DCBLD2: variants seen among roughly 807,000 people sequenced by gnomAD.
DCBLD2 encodes discoidin, CUB and LCCL domain-containing protein 2.
Under a neutral mutation model 86.8 loss-of-function variants are expected in DCBLD2, and 54 were observed. That is an observed-to-expected ratio of 0.62 (90% confidence interval 0.50 to 0.78). The LOEUF (loss-of-function observed/expected upper bound fraction) is 0.78, where lower values mean the gene tolerates loss of function less well. Among genes scored for constraint, DCBLD2 ranks in the 30% least tolerant of loss-of-function variants. The probability of loss-of-function intolerance (pLI) is 0.00; values close to 1 mark genes in which losing one functional copy is unlikely to be tolerated. For missense variants in DCBLD2, 908 were observed against 954.2 expected, an observed-to-expected ratio of 0.95 and a Z score of 0.64; for synonymous variants, 354 against 341.3, an observed-to-expected ratio of 1.04 and a Z score of -0.41.
At chr3:98,842,404 T>C (rs1183724100) in intron 3 of DCBLD2, among the ~76,000 whole-genome samples, 1 of 152,230 alleles carries the variant, frequency 6.6e-6, no homozygotes, top group Non-Finnish European at 1.5e-5. Flanking sequence ...GAATCTGGCA[T>C]TGATTTTTTA....
At chr3:98,811,048 A>T in intron 12 of DCBLD2, 146 bp downstream of exon 12, 1 of 908,254 alleles carries the variant, frequency 1.1e-6, no homozygotes, top group South Asian at 2.4e-5. Flanking sequence ...GTCTTTTCCT[A>T]TGAAAGAAAA....
intron 2 of DCBLD2, among the ~76,000 whole-genome samples, chr3:98,860,982 C>A (rs1345697123): frequency 6.6e-6 from 1 of 152,180 alleles, no homozygotes; most frequent in Non-Finnish European, 1.5e-5. Flanking sequence ...GGAGACCCAT[C>A]TCACATGCAG....
rs1018625135 is a variant in DCBLD2 at position 98,808,146 on chromosome 3, AG to A, written c.1604del (p.Pro535LeufsTer14). ...KDVALAAVLVPVLVMVLTTLI... is the reference protein window; with the variant it reads ...KDVALAAVLVXVLVMVLTTLI... ...GAGTAGTGAGGACCATGACCAGCAC[AG>A]GGACAAGAACTGCAGCCAGCGCTAC... On this transcript the variant is annotated frameshift_variant, in exon 13 of 16. Transcript: ENST00000326840. LOFTEE classifies it high-confidence loss of function. The A allele has an allele frequency of 6.2e-7, 1 of 1,605,394 alleles. No homozygotes were observed. The highest frequency in any genetic ancestry group is 8.5e-7 in the Non-Finnish European group (1 of 1,175,990).
chr3:98,858,376 T>G (rs1387170724), intron 2 of DCBLD2, among the ~76,000 whole-genome samples: 1 of 152,228 alleles, frequency 6.6e-6, no homozygotes, highest in Non-Finnish European at 1.5e-5. Flanking sequence ...GCTCCCACAG[T>G]GCAGCAGCAG....
intron 2 of DCBLD2, among the ~76,000 whole-genome samples, chr3:98,855,513 CCA>C (rs1433406667): frequency 6.6e-6 from 1 of 152,160 alleles, no homozygotes; most frequent in Non-Finnish European, 1.5e-5. Context: ...GTCAGTTTTA[CCA>C]CACTCACACA....
chr3:98,812,326 C>T lies in DCBLD2; in HGVS notation c.1363+6G>A, dbSNP rs765296993. 2 of 1,613,114 alleles carry T rather than the reference C, an allele frequency of 1.2e-6. No homozygotes were observed. Among genetic ancestry groups the T allele is most frequent in the Middle Eastern group, 1.7e-4 (1 of 6,052 alleles). On this transcript the variant is annotated splice_donor_region_variant and intron_variant, in intron 10 of 15. Transcript: ENST00000326840. ...AAAACATATCTTAAACGAACTGTCT[C>T]TTTACCTTTAGGAATAAACTGACAT...
At chr3:98,856,443 A>G (rs914799628) in intron 2 of DCBLD2, among the ~76,000 whole-genome samples, 5 of 152,168 alleles carry the variant, frequency 3.3e-5, no homozygotes, top group African/African-American at 4.8e-5. Context: ...AAACCACTGC[A>G]AACTGCCAGC....
rs371517659 is a variant in DCBLD2 at position 98,801,597 on chromosome 3, T to C, written c.1720+3A>G. The stretch of plus-strand genomic sequence containing the variant: ...AATGAGATGCAAAGACCACGTGAGT[T>C]ACCTGCCCGGTCCCAGTAAGGTAAG... On this transcript the variant is annotated splice_donor_region_variant and intron_variant, in intron 14 of 15. Transcript: ENST00000326840. 3.7e-6 allele frequency: 6 copies of C among 1,609,014 alleles called. No homozygotes were observed. In the African/African-American group the frequency reaches 8.0e-5, roughly 22 times the overall value.
chr3:98,847,548 T>C (rs1316435027), intron 3 of DCBLD2, among the ~76,000 whole-genome samples: 2 of 152,220 alleles, frequency 1.3e-5, no homozygotes, highest in Non-Finnish European at 2.9e-5. Flanking sequence ...AGAACAGCTC[T>C]CTCCTCTATC....
At chr3:98,869,619 C>A (rs1576193727) in intron 2 of DCBLD2, among the ~76,000 whole-genome samples, 1 of 152,228 alleles carries the variant, frequency 6.6e-6, no homozygotes, top group African/African-American at 2.4e-5. Flanking sequence ...GCTGCCAGCG[C>A]TCATTTAATT....
At chr3:98,844,064 C>CACACACACACACACA (rs1174112428) in intron 3 of DCBLD2, among the ~76,000 whole-genome samples, 3 of 63,914 alleles carry the variant, frequency 4.7e-5, no homozygotes, top group East Asian at 1.2e-3. Context: ...ACACACACAC[C>CACACACACACACACA]CCAATTATGG....
chr3:98,849,658 C>CA, intron 2 of DCBLD2, 60 bp from the exon 3 acceptor site: 1 of 1,552,176 alleles, frequency 6.4e-7, no homozygotes, highest in Non-Finnish European at 8.8e-7. Context: ...ATAATATTTG[C>CA]AATGTAGATA....
chr3:98,837,202 A>C (rs79484258), intron 3 of DCBLD2, among the ~76,000 whole-genome samples: 1 of 774 alleles, frequency 1.3e-3, no homozygotes, highest in African/African-American at 1.7e-3. Flanking sequence ...GGGGGCCGAC[A>C]CCCCCACCTC....
Position 98,799,143 on chromosome 3 carries a change from T to A in DCBLD2, c.*229A>T, listed in dbSNP as rs185225911. ...CTGTATTAAAAATAGTGTTCTACAG[T>A]AGTATCAAACAGGACATTTGAAATT... On this transcript the variant is annotated 3_prime_UTR_variant, in exon 16 of 16. Coordinates refer to ENST00000326840, the MANE Select transcript of DCBLD2 (RefSeq NM_080927.4). 1.1e-3 allele frequency: 509 copies of A among 470,476 alleles called. No homozygotes were observed. Among genetic ancestry groups the A allele is most frequent in the Non-Finnish European group, 1.4e-3 (376 of 264,796 alleles). 29.1% of individuals were successfully genotyped at this position (470,476 alleles called of 1,614,324 possible).
At chr3:98,844,497 G>C (rs749474753) in intron 3 of DCBLD2, among the ~76,000 whole-genome samples, 1 of 151,852 alleles carries the variant, frequency 6.6e-6, no homozygotes, top group Non-Finnish European at 1.5e-5. Context: ...GAGTAGCTGG[G>C]ATTACAGGCA....
rs770250580 is a variant in DCBLD2, at chr3:98,881,724, G to C, written c.249C>G (p.Thr83=). Residue 83 remains threonine, a synonymous_variant, in exon 2 of 16, where the codon ACC becomes ACG. Transcript: ENST00000326840. ...GHTVLGPESG[T]LTSINYPQTY... The stretch of plus-strand genomic sequence containing the variant: ...TCTGTGGGTAGTTTATGGATGTAAG[G>C]GTTCCACTCTCAGGGCCTAGTACAG... 1.9e-5 allele frequency: 31 copies of C among 1,613,640 alleles called. No homozygotes were observed. The East Asian group carries it at 5.1e-4, about 27-fold the overall frequency.
intron 13 of DCBLD2, among the ~76,000 whole-genome samples, chr3:98,804,353 T>G (rs377297106): frequency 6.9e-6 from 1 of 144,142 alleles, no homozygotes; most frequent in African/African-American, 2.6e-5. Flanking sequence ...TGTAGTATTC[T>G]CTGATGGTAG....
chr3:98,856,283 A>T (rs1362733640), intron 2 of DCBLD2, among the ~76,000 whole-genome samples: 2 of 152,190 alleles, frequency 1.3e-5, no homozygotes, highest in Non-Finnish European at 2.9e-5. Flanking sequence ...AATCTGCCTC[A>T]AAACCTCAGA....
At chr3:98,876,051 C>T (rs556660433) in intron 2 of DCBLD2, among the ~76,000 whole-genome samples, 1 of 151,958 alleles carries the variant, frequency 6.6e-6, no homozygotes, top group Non-Finnish European at 1.5e-5. Flanking sequence ...ACTAATGAAT[C>T]TAACTATAAA....
Sources: allele counts gnomAD v4.1 joint callset (sites outside exome capture counted in the v4.1 genomes callset), GRCh38; gene constraint gnomAD v4.1.1; transcripts MANE v1.5; gene names NCBI Gene and HGNC (gene_info 2026-07-23, HGNC 2026-07-21).